HDAC6: variants seen among roughly 807,000 people sequenced by gnomAD.
HDAC6 encodes protein deacetylase HDAC6.
Under a neutral mutation model 88.9 loss-of-function variants are expected in HDAC6, and 5 were observed. The ratio of observed to expected loss-of-function variants is 0.06; its 90% confidence interval spans 0.03 to 0.12. HDAC6 has a LOEUF of 0.12. Ranked by LOEUF, HDAC6 falls within the 10% of genes least tolerant of loss-of-function variation. HDAC6 has a pLI of 1.00. For synonymous variants in HDAC6, 378 were observed against 398.0 expected (o/e 0.95, Z 0.60); for missense variants, 706 against 1,014.4 (o/e 0.70, Z 4.13).
chrX:48,821,134 G>T (rs1325453307), intron 23 of HDAC6, among the ~76,000 whole-genome samples: 9 of 111,021 alleles, frequency 8.1e-5, no homozygotes, highest in Non-Finnish European at 1.9e-5. Context: ...CACCGCACCT[G>T]GCCCCTGGTT....
intron 16 of HDAC6, 68 bp downstream of exon 16, chrX:48,815,710 G>C: frequency 9.4e-7 from 1 of 1,064,398 alleles, no homozygotes; most frequent in Non-Finnish European, 1.3e-6. Context: ...ACTGTCTTCA[G>C]ACTTCCTCTG....
In HDAC6 at chrX:48,808,282, G is replaced by A. The variant is rs1557025042; in HGVS notation, c.762G>A (p.Val254=). Reference sequence around the variant, plus strand: ...GGGTCCTTATCGTAGATTGGGATGTGCACCACGGTCAAGGAACACAGTTCA... The same window carrying A: ...GGGTCCTTATCGTAGATTGGGATGTACACCACGGTCAAGGAACACAGTTCA... ...IRRVLIVDWD[V]HHGQGTQFTF... The change falls in exon 10 of 29, where the codon GTG becomes GTA. Residue 254 remains valine, a synonymous_variant. Coordinates refer to ENST00000334136, the MANE Select transcript of HDAC6 (RefSeq NM_006044.4). 8.3e-7 allele frequency: 1 copy of A among 1,205,801 alleles called. No individual in the cohort carries two copies. Among genetic ancestry groups the A allele is most frequent in the African/African-American group, 1.8e-5 (1 of 56,827 alleles).
chrX:48,817,869 T>C (rs1781931698), intron 20 of HDAC6, 172 bp from the exon 21 acceptor site: 1 of 479,535 alleles, frequency 2.1e-6, no homozygotes, highest in Admixed American at 3.4e-5. Flanking sequence ...GAGCACTTGC[T>C]CAGGCCTACC....
chrX:48,816,029 G>A lies in HDAC6; in HGVS notation c.1470G>A (p.Met490Ile), dbSNP rs782620270. Residue 490 changes from methionine (M) to isoleucine (I), a missense_variant, in exon 17 of 29, where the codon ATG becomes ATA. This residue lies in a region of HDAC6 where 106 missense variants were observed against 135.1 expected (regional missense o/e 0.78). Transcript: ENST00000334136. ...GGCTGGTCTATGACCAAAATATGAT[G>A]AATCACTGCAACTTGTGGGACAGGT... Reference protein sequence around the residue: ...RTGLVYDQNMMNHCNLWDSHH... With the variant: ...RTGLVYDQNMINHCNLWDSHH... 1 of 1,211,732 alleles carries A rather than the reference G, an allele frequency of 8.3e-7. No individual in the cohort carries two copies. Among genetic ancestry groups the A allele is most frequent in the South Asian group, 1.8e-5 (1 of 56,991 alleles).
rs199596944 is a variant in HDAC6, at chrX:48,822,786, G to A, written c.2504G>A (p.Arg835Gln). ...CATCGCAGATACTGGCGCAGCTTAC[G>A]GGTCATGAGTGAGTGGATTTGGGGG... ...QVHRRYWRSL[R>Q]VMKVEDREGP... is the part of the protein sequence containing the mutation. Residue 835 changes from arginine (R) to glutamine (Q), a missense_variant, in exon 24 of 29, where the codon CGG (arginine) becomes CAG (glutamine). This residue lies in a region of HDAC6 where 138 missense variants were observed against 303.5 expected (regional missense o/e 0.45). Coordinates refer to ENST00000334136, the MANE Select transcript of HDAC6 (RefSeq NM_006044.4). The A allele has an allele frequency of 1.6e-5, 19 of 1,188,709 alleles. No individual in the cohort carries two copies. The East Asian group carries it at 3.3e-4, about 21-fold the overall frequency.
At chrX:48,805,407 T>C in intron 4 of HDAC6, 31 bp from the exon 5 acceptor site, 1 of 1,113,539 alleles carries the variant, frequency 9.0e-7, no homozygotes, top group Non-Finnish European at 1.2e-6. Flanking sequence ...AGTGTCCTCA[T>C]GCATCTGTGA....
Position 48,802,121 on chromosome X carries a change from G to A in HDAC6, c.-52G>A, listed in dbSNP as rs2062735225. 2.4e-5 allele frequency: 21 copies of A among 887,302 alleles called. No individual in the cohort carries two copies. The South Asian group carries it at 4.4e-4, about 19-fold the overall frequency. 73.1% of individuals were successfully genotyped at this position (887,302 alleles called of 1,213,427 possible). A position where few individuals can be genotyped will look rare whatever the true frequency, so the allele number is the denominator to read the frequency against. ...AGCGGGGCTGGTTGAAACGCTAGGG[G>A]CGGGATCTGGCGGAGTGGAAGGTAC... On this transcript the variant is annotated 5_prime_UTR_variant, in exon 1 of 29. Transcript: ENST00000334136.
rs947318704 is a variant in HDAC6, at chrX:48,802,551, C to T, written c.-30-112C>T. 20 of 1,122,634 alleles carry T rather than the reference C, an allele frequency of 1.8e-5. No homozygotes were observed. In the Admixed American group the frequency reaches 4.4e-4, roughly 25 times the overall value. 92.5% of individuals were successfully genotyped at this position (1,122,634 alleles called of 1,213,427 possible). ...TGGAAGGCTGTGGAGAATCAGATCG[C>T]GTAAGGAATGGAATCTAATAGAGGG... On this transcript the variant is annotated intron_variant, in intron 1 of 28. Transcript: ENST00000334136.
chrX:48,824,720 C>CTT lies in HDAC6; in HGVS notation c.*109_*110insTT. 1 of 1,137,725 alleles carries CTT rather than the reference C, an allele frequency of 8.8e-7. No individual in the cohort carries two copies. Among genetic ancestry groups the CTT allele is most frequent in the Non-Finnish European group, 1.2e-6 (1 of 857,697 alleles). 93.8% of individuals were successfully genotyped at this position (1,137,725 alleles called of 1,213,427 possible). ...GGGTAGCCTCCCACTGCATCCCATC[C>CTT]TGAATATCCTTTGCAACTCCCCAAG... On this transcript the variant is annotated 3_prime_UTR_variant, in exon 29 of 29. Transcript: ENST00000334136.
Position 48,816,030 on chromosome X carries a change from A to C in HDAC6, c.1471A>C (p.Asn491His), listed in dbSNP as rs782214899. ...TGLVYDQNMM[N>H]HCNLWDSHHP... ...GCTGGTCTATGACCAAAATATGATG[A>C]ATCACTGCAACTTGTGGGACAGGTA... is the stretch of plus-strand genomic sequence containing the variant. The change falls in exon 17 of 29, where the codon AAT becomes CAT. Residue 491 changes from asparagine (N) to histidine (H), a missense_variant. By Grantham distance (68) the Asn-to-His change is moderately conservative (BLOSUM62 1). This residue lies in a region of HDAC6 where 106 missense variants were observed against 135.1 expected (regional missense o/e 0.78). Coordinates refer to ENST00000334136, the MANE Select transcript of HDAC6 (RefSeq NM_006044.4). 5 of 1,211,418 alleles carry C rather than the reference A, an allele frequency of 4.1e-6. No homozygotes were observed. In the Admixed American group the frequency reaches 1.1e-4, roughly 26 times the overall value.
Position 48,806,726 on chromosome X carries a change from G to A in HDAC6, c.632+20G>A. 9.7e-7 allele frequency: 1 copy of A among 1,030,152 alleles called. No individual in the cohort carries two copies. The highest frequency in any genetic ancestry group is 1.4e-6 in the Non-Finnish European group (1 of 739,664). 84.9% of individuals were successfully genotyped at this position (1,030,152 alleles called of 1,213,427 possible). ...CATTAGGTAGGACTCTACAGCATTT[G>A]ACTTTTTACATTGTTTTAAAGTCCT... is the stretch of plus-strand genomic sequence containing the variant. On this transcript the variant is annotated intron_variant, in intron 8 of 28. Coordinates refer to ENST00000334136, the MANE Select transcript of HDAC6 (RefSeq NM_006044.4).
Position 48,805,620 on chromosome X carries a change from T to C in HDAC6, c.397-11T>C, listed in dbSNP as rs782125309. 1.7e-6 allele frequency: 2 copies of C among 1,186,000 alleles called. No homozygotes were observed. Among genetic ancestry groups the C allele is most frequent in the Non-Finnish European group, 2.3e-6 (2 of 881,434 alleles). ...ACCCTTTACCCCACTTTATTCCTCA[T>C]CTCTCCCCAGGCCCGGTTTGCTGAA... is the stretch of plus-strand genomic sequence containing the variant. On this transcript the variant is annotated splice_polypyrimidine_tract_variant and intron_variant, in intron 5 of 28. Coordinates refer to ENST00000334136, the MANE Select transcript of HDAC6 (RefSeq NM_006044.4).
In HDAC6 at chrX:48,823,179, C is replaced by T; in HGVS notation, c.2780C>T (p.Ala927Val). 8.3e-7 allele frequency: 1 copy of T among 1,206,947 alleles called. No homozygotes were observed. Among genetic ancestry groups the T allele is most frequent in the Non-Finnish European group, 1.1e-6 (1 of 893,124 alleles). Residue 927 changes from alanine to valine, a missense_variant, in exon 25 of 29, where the codon GCA becomes GTA. Around this residue, in one of 9 missense-constraint regions of HDAC6, gnomAD observed 89 missense variants for 90.9 expected, o/e 0.98. Coordinates refer to ENST00000334136, the MANE Select transcript of HDAC6 (RefSeq NM_006044.4). ...GATLAQTISEAAIGGAMLGQT... is the reference protein window; with the variant it reads ...GATLAQTISEVAIGGAMLGQT... ...ACTCTGGCCCAGACCATTTCTGAGG[C>T]AGCCATTGGGGGAGCCATGCTGGGC... is the stretch of plus-strand genomic sequence containing the variant.
upstream of HDAC6, chrX:48,801,639 G>C: frequency 8.0e-6 from 2 of 250,886 alleles, no homozygotes; most frequent in Non-Finnish European, 1.5e-5. Flanking sequence ...GCGCAGCACA[G>C]CTGGCGTAGC....
chrX:48,819,790 T>C (rs940644127), intron 22 of HDAC6: 2 of 343,483 alleles, frequency 5.8e-6, no homozygotes, highest in African/African-American at 5.3e-5. Flanking sequence ...TCTGCCCGCC[T>C]CGGCCTCCCA....
At chrX:48,801,756 G>A, upstream of HDAC6, 1 of 735,189 alleles carries the variant, frequency 1.4e-6, no homozygotes. Context: ...CGAGAGGTGT[G>A]GCTCGCGCGA....
chrX:48,815,072 C>T (rs1557027073), intron 14 of HDAC6, 21 bp downstream of exon 14: 1 of 1,138,818 alleles, frequency 8.8e-7, no homozygotes. Context: ...CACCTTCGTC[C>T]CTCAGCCTGT....
At chrX:48,820,335 G>C (rs1220686326) in intron 23 of HDAC6, 80 bp downstream of exon 23, 7 of 899,479 alleles carry the variant, frequency 7.8e-6, no homozygotes, top group Non-Finnish European at 1.1e-5. Context: ...ACAGTTTCCT[G>C]AAATCTCCTT....
intron 1 of HDAC6, 74 bp downstream of exon 1, chrX:48,802,216 G>A: frequency 4.6e-6 from 4 of 872,957 alleles, no homozygotes; most frequent in Non-Finnish European, 5.6e-6. Flanking sequence ...GGTCGGGGCC[G>A]GGGCCGGCTG....
Sources: gnomAD v4.1 joint callset for allele counts (sites outside exome capture counted in the v4.1 genomes callset) on GRCh38, gnomAD v4.1.1 for gene constraint, gnomAD v4.1.1 regional missense constraint, MANE v1.5 for transcripts, NCBI Gene and HGNC (gene_info 2026-07-23, HGNC 2026-07-21) for gene names.